The following MGAT4C variants were observed in gnomAD, a reference collection of about 807,000 sequenced individuals.
MGAT4C encodes alpha-1,3-mannosyl-glycoprotein 4-beta-N-acetylglucosaminyltransferase C.
Under a neutral mutation model 40.1 loss-of-function variants are expected in MGAT4C, and 19 were observed. The ratio of observed to expected loss-of-function variants is 0.47; its 90% CI spans 0.33 to 0.70. The LOEUF is 0.70. Among genes scored for constraint, MGAT4C ranks in the 30% least tolerant of loss-of-function variants. The pLI, the probability that MGAT4C is intolerant of heterozygous loss-of-function variation, is 0.02. For missense variants in MGAT4C, 491 were observed against 563.2 expected, an observed-to-expected ratio of 0.87 and a Z score of 1.30; for synonymous variants, 181 against 187.1, an observed-to-expected ratio of 0.97 and a Z score of 0.27.
chr12:86,736,454 C>T (rs1029165246), intron 1 of MGAT4C, among the ~76,000 whole-genome samples: 2 of 151,700 alleles, frequency 1.3e-5, no homozygotes, highest in Admixed American at 1.3e-4. Flanking sequence ...AAATCACTTC[C>T]TTAAATGCAA....
At position 85,977,856 on chromosome 12, in the gene MGAT4C, A is replaced by G. The variant is rs901042624; in HGVS notation, c.*1433T>C. ...CACAGAGTCATCTATATGAACACGT[A>G]CTTGAGTTTCTTAAACATATATGAA... On this transcript the variant is annotated 3_prime_UTR_variant, in exon 5 of 5. Coordinates refer to ENST00000611864, the MANE Select transcript of MGAT4C (RefSeq NM_001351288.2). The G allele has an allele frequency of 2.0e-5, 3 of 149,210 alleles. No individual in the cohort carries two copies. Among genetic ancestry groups the G allele is most frequent in the African/African-American group, 7.4e-5 (3 of 40,718 alleles). 9.2% of individuals were successfully genotyped at this position (149,210 alleles called of 1,614,324 possible).
intron 4 of MGAT4C, 121 bp downstream of exon 4, chr12:85,983,402 G>T: frequency 3.2e-6 from 3 of 941,994 alleles, no homozygotes; most frequent in Non-Finnish European, 4.4e-6. Context: ...TTGAAGTTTT[G>T]CCCAAATAAT....
At position 85,963,013 on chromosome 12, in the gene MGAT4C, C is replaced by T. The variant is rs1214241937; in HGVS notation, c.*16276G>A. The T allele has an allele frequency of 6.6e-6, 1 of 151,706 alleles. No individual in the cohort carries two copies. The highest frequency in any genetic ancestry group is 1.5e-5 in the Non-Finnish European group (1 of 67,728). The allele number at this position is 151,706 out of a possible 1,614,324, so 9.4% of individuals were successfully genotyped here. On this transcript the variant is annotated 3_prime_UTR_variant, in exon 5 of 5. Coordinates refer to ENST00000611864, the MANE Select transcript of MGAT4C (RefSeq NM_001351288.2). The stretch of plus-strand genomic sequence containing the variant: ...CTGATCTTTTTAAGTGGCAAATTGT[C>T]CAAAAGAATTTAATTAATATAAACA...
At chr12:86,388,269 G>C (rs1956096470) in intron 3 of MGAT4C, among the ~76,000 whole-genome samples, 1 of 151,990 alleles carries the variant, frequency 6.6e-6, no homozygotes, top group Non-Finnish European at 1.5e-5. Context: ...ATTTTGGAGA[G>C]AAAATATAAA....
At chr12:86,288,999 A>C (rs896176109) in intron 4 of MGAT4C, among the ~76,000 whole-genome samples, 1 of 152,130 alleles carries the variant, frequency 6.6e-6, no homozygotes, top group South Asian at 2.1e-4. Flanking sequence ...GCCTATGTTC[A>C]GAATGGTATT....
At chr12:86,753,502 C>A (rs1044429917) in intron 1 of MGAT4C, among the ~76,000 whole-genome samples, 2 of 152,098 alleles carry the variant, frequency 1.3e-5, no homozygotes. Context: ...TGATTTCCCA[C>A]TTCACACCTC....
At chr12:86,678,498 A>G (rs1030375699) in intron 2 of MGAT4C, among the ~76,000 whole-genome samples, 11 of 151,594 alleles carry the variant, frequency 7.3e-5, no homozygotes, top group Admixed American at 2.0e-4. Flanking sequence ...TTACATATGT[A>G]TACATGTGCC....
chr12:86,833,227 T>G (rs1488070556), intron 1 of MGAT4C, among the ~76,000 whole-genome samples: 1 of 151,870 alleles, frequency 6.6e-6, no homozygotes, highest in African/African-American at 2.4e-5. Context: ...GAGGATAAAT[T>G]ATGTTCCTTG....
At chr12:86,290,846 G>T (rs55733909) in intron 4 of MGAT4C, among the ~76,000 whole-genome samples, 12,991 of 152,172 alleles carry the variant, frequency 0.085, 773 homozygotes, top group Middle Eastern at 0.22. Context: ...CATTCTTGCG[G>T]TATGTTACTA....
chr12:86,628,422 G>A (rs182006565), intron 2 of MGAT4C, among the ~76,000 whole-genome samples: 4 of 152,158 alleles, frequency 2.6e-5, no homozygotes, highest in East Asian at 1.9e-4. Flanking sequence ...CTCGAGAAGA[G>A]CAACCCCAAG....
At chr12:86,459,572 T>TTATCTTAGA (rs1380258066) in intron 2 of MGAT4C, among the ~76,000 whole-genome samples, 1 of 152,026 alleles carries the variant, frequency 6.6e-6, no homozygotes, top group Non-Finnish European at 1.5e-5. Context: ...CAACAACCAG[T>TTATCTTAGA]TATCTTAGAA....
intron 1 of MGAT4C, among the ~76,000 whole-genome samples, chr12:86,052,240 CAA>C (rs1003661023): frequency 6.6e-6 from 1 of 151,180 alleles, no homozygotes; most frequent in African/African-American, 2.4e-5. Context: ...TTTGCTGCCT[CAA>C]AAAGAGGGCC....
chr12:86,020,593 GA>G (rs1156983101), intron 2 of MGAT4C, among the ~76,000 whole-genome samples: 3 of 152,120 alleles, frequency 2.0e-5, no homozygotes, highest in African/African-American at 7.2e-5. Flanking sequence ...ATTCAAGATG[GA>G]TTAAAGACTT....
chr12:85,983,499 A>G, intron 4 of MGAT4C, 24 bp downstream of exon 4: 1 of 1,504,720 alleles, frequency 6.6e-7, no homozygotes, highest in Non-Finnish European at 8.9e-7. Flanking sequence ...TGTATTCTTT[A>G]TTTAAATGTT....
At chr12:86,782,773 C>T (rs1163048445) in intron 1 of MGAT4C, among the ~76,000 whole-genome samples, 3 of 152,096 alleles carry the variant, frequency 2.0e-5, no homozygotes, top group Non-Finnish European at 4.4e-5. Flanking sequence ...CCAATGATCT[C>T]TTGCCCAGAG....
chr12:86,385,957 G>A (rs977908419), intron 3 of MGAT4C, among the ~76,000 whole-genome samples: 1 of 151,988 alleles, frequency 6.6e-6, no homozygotes, highest in African/African-American at 2.4e-5. Flanking sequence ...TTGAGACGGA[G>A]TCTCGCTCTG....
At chr12:86,807,788 T>G (rs2136212203) in intron 1 of MGAT4C, among the ~76,000 whole-genome samples, 1 of 152,244 alleles carries the variant, frequency 6.6e-6, no homozygotes, top group East Asian at 1.9e-4. Context: ...TCCCAGCATC[T>G]GTTGTTTCTT....
In MGAT4C at chr12:86,814,310, A is replaced by ATGAAAGGCATGTTCTT. The variant is rs1566009078; in HGVS notation, c.-262+24355_-262+24356insAAGAACATGCCTTTCA. Among the ~76,000 whole-genome samples the ATGAAAGGCATGTTCTT allele has an allele frequency of 4.2e-3, 20 of 4,706 alleles. 3 individuals are homozygous for ATGAAAGGCATGTTCTT. The Middle Eastern group carries it at 0.5, about 118-fold the overall frequency. 3.1% of individuals were successfully genotyped at this position (4,706 alleles called of 152,430 possible). A position where few individuals can be genotyped will look rare whatever the true frequency, so the allele number is the denominator to read the frequency against. On this transcript the variant is annotated intron_variant, in intron 1 of 7. Coordinates refer to the MGAT4C transcript ENST00000548651. ...CATATATATACATATACGTATATAT[A>ATGAAAGGCATGTTCTT]TACGTATATATACATATACGTATAT...
intron 1 of MGAT4C, among the ~76,000 whole-genome samples, chr12:86,735,442 A>C (rs1393533988): frequency 6.6e-6 from 1 of 151,930 alleles, no homozygotes; most frequent in Non-Finnish European, 1.5e-5. Flanking sequence ...GAAGCCAGGC[A>C]GTTCAAATCT....
Sources: allele counts gnomAD v4.1 joint callset (sites outside exome capture counted in the v4.1 genomes callset), GRCh38; gene constraint gnomAD v4.1.1; transcripts MANE v1.5; gene names NCBI Gene and HGNC (gene_info 2026-07-23, HGNC 2026-07-21).